Variants in ENAH observed in about 807,000 individuals in gnomAD.
The protein encoded by ENAH is ENAH actin regulator.
In ENAH, 23 loss-of-function variants were observed where a neutral mutation model predicts 78.7. That is an observed-to-expected ratio of 0.29 (90% CI 0.21 to 0.41). The LOEUF (loss-of-function observed/expected upper bound fraction) is 0.41. Among genes scored for constraint, ENAH ranks in the 10% least tolerant of loss-of-function variants. ENAH has a pLI of 1.00. For missense variants in ENAH, 544 were observed against 691.0 expected, an observed-to-expected ratio of 0.79 and a Z score of 2.39; for synonymous variants, 226 against 241.0, an observed-to-expected ratio of 0.94 and a Z score of 0.58.
chr1:225,530,475 A>G (rs1025318458), intron 4 of ENAH, 79 bp downstream of exon 4: 1 of 1,174,590 alleles, frequency 8.5e-7, no homozygotes, highest in African/African-American at 1.5e-5. Flanking sequence ...ATAAGACATA[A>G]TCTACTTTAA....
At chr1:225,597,707 A>C (rs1008886974) in intron 1 of ENAH, among the ~76,000 whole-genome samples, 2 of 151,626 alleles carry the variant, frequency 1.3e-5, no homozygotes, top group African/African-American at 4.8e-5. Context: ...ATGAAACCCA[A>C]TGTGCCATGT....
chr1:225,627,067 A>G (rs975787729), intron 1 of ENAH, among the ~76,000 whole-genome samples: 58 of 152,338 alleles, frequency 3.8e-4, no homozygotes, highest in African/African-American at 1.4e-3. Flanking sequence ...TGGCCTATCA[A>G]AAGAAAAATT....
At chr1:225,638,157 T>C (rs1432816025) in intron 1 of ENAH, among the ~76,000 whole-genome samples, 4 of 152,038 alleles carry the variant, frequency 2.6e-5, no homozygotes, top group African/African-American at 4.8e-5. Flanking sequence ...AGCCAGTAAA[T>C]AGCAGAATGG....
At chr1:225,504,209 A>G (rs2096307671) in intron 11 of ENAH, among the ~76,000 whole-genome samples, 1 of 151,834 alleles carries the variant, frequency 6.6e-6, no homozygotes, top group Non-Finnish European at 1.5e-5. Context: ...GGGTCTCGCT[A>G]TGTTTCCCAG....
chr1:225,551,392 C>G (rs1005231115), intron 3 of ENAH, among the ~76,000 whole-genome samples: 1 of 151,880 alleles, frequency 6.6e-6, no homozygotes, highest in African/African-American at 2.4e-5. Context: ...TATGACTAGC[C>G]CCCCAGAAAG....
intron 1 of ENAH, among the ~76,000 whole-genome samples, chr1:225,593,260 C>T (rs1414198553): frequency 6.6e-6 from 1 of 151,958 alleles, no homozygotes; most frequent in Non-Finnish European, 1.5e-5. Flanking sequence ...TTATAATTCA[C>T]CCCACTACAC....
At chr1:225,500,476 C>T (rs2096275851) in intron 12 of ENAH, among the ~76,000 whole-genome samples, 1 of 152,194 alleles carries the variant, frequency 6.6e-6, no homozygotes, top group Non-Finnish European at 1.5e-5. Context: ...TCTACTCCAC[C>T]CACTATACAT....
rs1375946323 is a variant in ENAH at position 225,497,058 on chromosome 1, G to A, written c.*717C>T. On this transcript the variant is annotated 3_prime_UTR_variant, in exon 14 of 14. Coordinates refer to ENST00000366843, the MANE Select transcript of ENAH (RefSeq NM_018212.6). ...GAAGTCATAGATTTGGTAAAGCATTGTAACAATTTAGGAAGGCATCTAAAT... is the reference window on the plus strand; with the variant it reads ...GAAGTCATAGATTTGGTAAAGCATTATAACAATTTAGGAAGGCATCTAAAT... The A allele has an allele frequency of 1.3e-5, 2 of 152,604 alleles. No individual in the cohort carries two copies. 9.5% of individuals were successfully genotyped at this position (152,604 alleles called of 1,614,324 possible).
chr1:225,551,608 C>A (rs936106958), intron 3 of ENAH, among the ~76,000 whole-genome samples: 1 of 152,066 alleles, frequency 6.6e-6, no homozygotes, highest in African/African-American at 2.4e-5. Flanking sequence ...TCCATTTATA[C>A]ACTGAACTAC....
chr1:225,549,255 T>C (rs1161945418), intron 3 of ENAH, among the ~76,000 whole-genome samples: 1 of 152,158 alleles, frequency 6.6e-6, no homozygotes, highest in Non-Finnish European at 1.5e-5. Context: ...TTGGGATTCT[T>C]TTCAGGTCCA....
At chr1:225,498,029 T>C (rs577070567) in intron 13 of ENAH, among the ~76,000 whole-genome samples, 1 of 152,258 alleles carries the variant, frequency 6.6e-6, no homozygotes, top group Non-Finnish European at 1.5e-5. Flanking sequence ...AAAACACTGA[T>C]TATGTGGGCT....
chr1:225,542,713 G>A (rs1027448754), intron 3 of ENAH, among the ~76,000 whole-genome samples: 5 of 152,168 alleles, frequency 3.3e-5, no homozygotes, highest in African/African-American at 1.2e-4. Flanking sequence ...TGTCTCACAT[G>A]GGATTTACTA....
chr1:225,651,582 TC>T (rs1469247600), intron 1 of ENAH, among the ~76,000 whole-genome samples: 1 of 152,114 alleles, frequency 6.6e-6, no homozygotes, highest in Non-Finnish European at 1.5e-5. Context: ...GAGATTCAAA[TC>T]CAAATGAACT....
chr1:225,580,092 C>T (rs1226380132), intron 1 of ENAH: 1 of 151,640 alleles, frequency 6.6e-6, no homozygotes, highest in Non-Finnish European at 1.5e-5. Context: ...TTCCCCACAC[C>T]CTCAACTCAT....
intron 1 of ENAH, among the ~76,000 whole-genome samples, chr1:225,643,961 A>T (rs1295503788): frequency 6.6e-6 from 1 of 152,110 alleles, no homozygotes; most frequent in Non-Finnish European, 1.5e-5. Flanking sequence ...TAAAATGTAA[A>T]AAGTATAGAT....
chr1:225,581,173 G>A lies in ENAH; in HGVS notation c.6-13759C>T, dbSNP rs555697593. On this transcript the variant is annotated intron_variant, in intron 1 of 13. Coordinates refer to ENST00000366843, the MANE Select transcript of ENAH (RefSeq NM_018212.6). ...AAAATGTGGGAAAACACTTCACTTG[G>A]CAACACATACTTCCCTATCTTAATA... 46 of 613,748 alleles carry A rather than the reference G, an allele frequency of 7.5e-5. No homozygotes were observed. The African/African-American group carries it at 8.0e-4, about 11-fold the overall frequency. The allele number at this position is 613,748 out of a possible 1,614,324, so 38.0% of individuals were successfully genotyped here.
Position 225,652,729 on chromosome 1 carries a change from A to G in ENAH, c.-39T>C. 1.5e-6 allele frequency: 2 copies of G among 1,314,836 alleles called. No individual in the cohort carries two copies. The highest frequency in any genetic ancestry group is 9.7e-7 in the Non-Finnish European group (1 of 1,033,714). 81.4% of individuals were successfully genotyped at this position (1,314,836 alleles called of 1,614,324 possible). Reference sequence around the variant, plus strand: ...CAGAGGCTTCCCCACCAGCCGGGAGACGCAGAAGGCGCCGAGCCGAGGGGG... The same window carrying G: ...CAGAGGCTTCCCCACCAGCCGGGAGGCGCAGAAGGCGCCGAGCCGAGGGGG... On this transcript the variant is annotated 5_prime_UTR_variant, in exon 1 of 14. Coordinates refer to ENST00000366843, the MANE Select transcript of ENAH (RefSeq NM_018212.6).
chr1:225,629,283 A>G (rs1658543766), intron 1 of ENAH, among the ~76,000 whole-genome samples: 1 of 150,742 alleles, frequency 6.6e-6, no homozygotes, highest in Admixed American at 6.6e-5. Flanking sequence ...ATCTCGGAAG[A>G]AAGAAAAGAA....
intron 1 of ENAH, among the ~76,000 whole-genome samples, chr1:225,603,994 G>A (rs2096942487): frequency 6.6e-6 from 1 of 152,140 alleles, no homozygotes; most frequent in South Asian, 2.1e-4. Flanking sequence ...GTTTTCAGGG[G>A]TCACTCATTC....
Sources: allele counts gnomAD v4.1 joint callset (sites outside exome capture counted in the v4.1 genomes callset), GRCh38; gene constraint gnomAD v4.1.1; transcripts MANE v1.5; gene names NCBI Gene and HGNC (gene_info 2026-07-23, HGNC 2026-07-21).